Variants in DNAH6 observed in about 807,000 individuals in gnomAD.
The protein encoded by DNAH6 is dynein axonemal heavy chain 6.
DNAH6 carries 340 observed loss-of-function variants against 491.4 expected under a neutral mutation model. The observed-to-expected ratio is 0.69, with a 90% confidence interval of 0.63 to 0.76. DNAH6 has a LOEUF of 0.76. DNAH6 is among the 30% of genes least tolerant of loss of function. The pLI, the probability that DNAH6 is intolerant of heterozygous loss-of-function variation, is 0.00. For synonymous variants in DNAH6, 1,603 were observed against 1,686.1 expected (o/e 0.95, Z 1.21); for missense variants, 4,443 against 4,972.2 (o/e 0.89, Z 3.20).
At chr2:84,486,157 A>C in the DNAH6 span, among the ~76,000 whole-genome samples, 2 of 152,304 alleles carry the variant, frequency 1.3e-5, no homozygotes, top group South Asian at 4.1e-4. Flanking sequence ...GCTTCAGCTC[A>C]AACTCCCTTT....
chr2:84,637,073 C>A (rs1688954207), intron 30 of DNAH6, 137 bp from the exon 31 acceptor site: 1 of 689,792 alleles, frequency 1.4e-6, no homozygotes. Flanking sequence ...CAGAAATGTT[C>A]CCTGTTGTCC....
chr2:84,544,061 C>T (rs1318693530), intron 4 of DNAH6, among the ~76,000 whole-genome samples, 172 bp from the exon 5 acceptor site: 1 of 152,086 alleles, frequency 6.6e-6, no homozygotes, highest in East Asian at 1.9e-4. Flanking sequence ...TTGTTTAACT[C>T]ATTTTCTTGA....
chr2:84,529,877 C>T lies in DNAH6; in HGVS notation c.662+711C>T, dbSNP rs546439959. 3.9e-5 allele frequency among the ~76,000 whole-genome samples: 6 copies of T among 152,306 alleles called. No homozygotes were observed. The East Asian group carries it at 1.2e-3, about 29-fold the overall frequency. On this transcript the variant is annotated intron_variant, in intron 4 of 76. Coordinates refer to ENST00000389394, the MANE Select transcript of DNAH6 (RefSeq NM_001370.2). ...GGCTCTCTTATTCTCCCTTATTCAG[C>T]ACCATAGTTTCAACTGAGAAGATGA... is the stretch of plus-strand genomic sequence containing the variant.
At chr2:84,659,818 CA>C (rs869092382) in intron 37 of DNAH6, among the ~76,000 whole-genome samples, 48 of 152,162 alleles carry the variant, frequency 3.2e-4, no homozygotes, top group African/African-American at 1.0e-3. Context: ...TCTGTCTCTA[CA>C]AAAAATTTTT....
intron 37 of DNAH6, among the ~76,000 whole-genome samples, chr2:84,667,530 G>A (rs1350176103): frequency 6.6e-6 from 1 of 152,110 alleles, no homozygotes; most frequent in Non-Finnish European, 1.5e-5. Context: ...TCAGACAAAT[G>A]CAAATCAAAA....
chr2:84,532,812 C>G (rs762963272), intron 4 of DNAH6, among the ~76,000 whole-genome samples: 11 of 152,024 alleles, frequency 7.2e-5, no homozygotes, highest in African/African-American at 2.7e-4. Context: ...ATATGTCATG[C>G]TATTGATGAA....
At chr2:84,576,256 T>C (rs1156746898) in intron 12 of DNAH6, among the ~76,000 whole-genome samples, 1 of 152,122 alleles carries the variant, frequency 6.6e-6, no homozygotes, top group Non-Finnish European at 1.5e-5. Flanking sequence ...TGTCTTATAT[T>C]ATGAGGAAGC....
At chr2:84,573,178 G>A (rs937090415) in intron 11 of DNAH6, among the ~76,000 whole-genome samples, 3 of 152,150 alleles carry the variant, frequency 2.0e-5, no homozygotes, top group Non-Finnish European at 4.4e-5. Flanking sequence ...CAATATATAA[G>A]TTCACCATGA....
chr2:84,762,920 G>T lies in DNAH6; in HGVS notation c.10678G>T (p.Ala3560Ser), dbSNP rs377266356. The change falls in exon 64 of 77, where the codon GCC (alanine) becomes TCC (serine). Residue 3560 changes from alanine (A) to serine (S), a missense_variant. Ala to Ser is a moderately conservative substitution (Grantham distance 99, BLOSUM62 1). This residue lies in a region of DNAH6 where 1,463 missense variants were observed against 1,656.6 expected (regional missense o/e 0.88). Transcript: ENST00000389394. ...SDPMGAFQRF[A>S]RESGYSERVQ... ...TCCCATGGGTGCATTTCAGAGGTTT[G>T]CCAGGGAAAGTGGATATTCAGAACG... 4.5e-6 allele frequency: 7 copies of T among 1,551,258 alleles called. No individual in the cohort carries two copies. The African/African-American group carries it at 8.2e-5, about 18-fold the overall frequency.
intron 70 of DNAH6, among the ~76,000 whole-genome samples, chr2:84,799,421 C>T (rs568906844): frequency 5.9e-5 from 9 of 152,224 alleles, no homozygotes; most frequent in Non-Finnish European, 1.0e-4. Flanking sequence ...GCTGGTTGGG[C>T]CTGCTACTTG....
intron 62 of DNAH6, among the ~76,000 whole-genome samples, chr2:84,742,365 G>A (rs1304412312): frequency 6.6e-6 from 1 of 152,198 alleles, no homozygotes; most frequent in East Asian, 1.9e-4. Flanking sequence ...ATTTTAATTT[G>A]ATTATATTTA....
At chr2:84,659,514 A>G (rs1691282568) in intron 37 of DNAH6, among the ~76,000 whole-genome samples, 1 of 152,210 alleles carries the variant, frequency 6.6e-6, no homozygotes, top group African/African-American at 2.4e-5. Context: ...TATATATTCT[A>G]AGATTGACTA....
intron 62 of DNAH6, among the ~76,000 whole-genome samples, chr2:84,736,614 CTTTA>C (rs1272565029): frequency 6.6e-6 from 1 of 151,968 alleles, no homozygotes; most frequent in Non-Finnish European, 1.5e-5. Context: ...GGATTGCATT[CTTTA>C]TTTGTTTCTC....
intron 11 of DNAH6, among the ~76,000 whole-genome samples, chr2:84,571,780 G>A (rs1341547083): frequency 1.3e-5 from 2 of 151,106 alleles, no homozygotes; most frequent in South Asian, 2.1e-4. Context: ...AAAAATTAGC[G>A]TGGTGGCGGG....
chr2:84,797,554 A>C lies in DNAH6; in HGVS notation c.11377A>C (p.Met3793Leu). 1 of 1,551,890 alleles carries C rather than the reference A, an allele frequency of 6.4e-7. No individual in the cohort carries two copies. The highest frequency in any genetic ancestry group is 8.7e-7 in the Non-Finnish European group (1 of 1,146,974). Residue 3793 changes from methionine to leucine, a missense_variant, in exon 70 of 77, where the codon ATG becomes CTG. Met to Leu is a conservative substitution (Grantham distance 15). Coordinates refer to ENST00000389394, the MANE Select transcript of DNAH6 (RefSeq NM_001370.2). The stretch of plus-strand genomic sequence containing the variant: ...AATAACAGGCATCTATTTTGCACCC[A>C]TGGCTGACAGCCTACAAGAGTTTAA... ...YSESGIYFAP[M>L]ADSLQEFKDY...
chr2:84,513,249 A>G (rs1675403903), upstream of DNAH6, among the ~76,000 whole-genome samples: 1 of 151,906 alleles, frequency 6.6e-6, no homozygotes, highest in Non-Finnish European at 1.5e-5. Context: ...TGAAAATTGG[A>G]TATTGGATAT....
chr2:84,511,252 G>C, the DNAH6 span, among the ~76,000 whole-genome samples: 3 of 152,262 alleles, frequency 2.0e-5, no homozygotes, highest in Non-Finnish European at 4.4e-5. Context: ...CTTTGTTTAC[G>C]TACTCAAGCT....
intron 62 of DNAH6, among the ~76,000 whole-genome samples, chr2:84,740,772 G>A (rs13407438): frequency 0.1 from 15,885 of 152,188 alleles, 858 homozygotes; most frequent in Non-Finnish European, 0.11. Context: ...CTGACTGAAA[G>A]TCTTGCCCTC....
chr2:84,477,626 C>T, the DNAH6 span, among the ~76,000 whole-genome samples: 1 of 152,182 alleles, frequency 6.6e-6, no homozygotes, highest in Non-Finnish European at 1.5e-5. Flanking sequence ...CATTGACTCA[C>T]ATTTTTGTCC....
Sources: gnomAD v4.1 joint callset for allele counts (sites outside exome capture counted in the v4.1 genomes callset) on GRCh38, gnomAD v4.1.1 for gene constraint, gnomAD v4.1.1 regional missense constraint, MANE v1.5 for transcripts, NCBI Gene and HGNC (gene_info 2026-07-23, HGNC 2026-07-21) for gene names.